The following LRRTM3 variants were observed in gnomAD, a reference collection of about 807,000 sequenced individuals.
LRRTM3 encodes leucine-rich repeat transmembrane neuronal protein 3.
LRRTM3 carries 24 observed loss-of-function variants against 44.7 expected under a neutral mutation model. The ratio of observed to expected loss-of-function variants is 0.54; its 90% CI spans 0.39 to 0.76. The LOEUF (loss-of-function observed/expected upper bound fraction) is 0.76. Ranked by LOEUF, LRRTM3 falls within the 30% of genes least tolerant of loss-of-function variation. LRRTM3 has a pLI of 0.00. For missense variants in LRRTM3, 587 were observed against 702.2 expected (o/e 0.84, Z 1.85); for synonymous variants, 277 against 278.7 (o/e 0.99, Z 0.06).
rs576422121 is a variant in LRRTM3 at position 66,962,455 on chromosome 10, G to A, written c.1536+34003G>A. Among the ~76,000 whole-genome samples, 21 of 151,758 alleles carry A rather than the reference G, an allele frequency of 1.4e-4. No homozygotes were observed. The East Asian group carries it at 3.9e-3, about 28-fold the overall frequency. ...AGACAGAGTCTCACTCTGTCGCTAG[G>A]CTGGAGTGCAGTGGTGTGATCTCTG... On this transcript the variant is annotated intron_variant, in intron 2 of 2. Coordinates refer to ENST00000361320, the MANE Select transcript of LRRTM3 (RefSeq NM_178011.5).
At chr10:67,026,842 C>G (rs1853421660) in intron 2 of LRRTM3, among the ~76,000 whole-genome samples, 1 of 152,068 alleles carries the variant, frequency 6.6e-6, no homozygotes, top group East Asian at 1.9e-4. Flanking sequence ...GTTCAGAAAC[C>G]TAAAATCTAC....
Position 67,057,600 on chromosome 10 carries a change from T to A in LRRTM3, c.1537-39987T>A, listed in dbSNP as rs1001205645. Among the ~76,000 whole-genome samples the A allele has an allele frequency of 2.6e-5, 4 of 152,180 alleles. No individual in the cohort carries two copies. In the South Asian group the frequency reaches 8.3e-4, roughly 32 times the overall value. The stretch of plus-strand genomic sequence containing the variant: ...GTTGTCTCAAATGACAGGATATACT[T>A]CTTTTTTAAGACTGAGAATACTGAC... On this transcript the variant is annotated intron_variant, in intron 2 of 2. Transcript: ENST00000361320.
intron 2 of LRRTM3, among the ~76,000 whole-genome samples, chr10:67,037,632 T>C (rs1482642156): frequency 6.6e-6 from 1 of 152,082 alleles, no homozygotes; most frequent in Middle Eastern, 3.2e-3. Flanking sequence ...AAACCTGAAC[T>C]AAGACACTAA....
At chr10:67,027,133 TAGAG>T (rs1324100352) in intron 2 of LRRTM3, among the ~76,000 whole-genome samples, 1 of 152,068 alleles carries the variant, frequency 6.6e-6, no homozygotes, top group Non-Finnish European at 1.5e-5. Flanking sequence ...ATTCTGCTGA[TAGAG>T]TGAGTGCCCA....
chr10:66,926,060 G>C lies in LRRTM3; in HGVS notation c.-524G>C, dbSNP rs1043619690. Reference sequence around the variant, plus strand: ...CAACAGTCCGAGCAGCTTTCAGAATGACAGTCTGCAGAAGTGAGCTGAGCG... The same window carrying C: ...CAACAGTCCGAGCAGCTTTCAGAATCACAGTCTGCAGAAGTGAGCTGAGCG... On this transcript the variant is annotated 5_prime_UTR_variant, in exon 1 of 3. The change abolishes an upstream ATG in the 5' untranslated region. Transcript: ENST00000361320. 2.2e-6 allele frequency: 1 copy of C among 457,130 alleles called. No homozygotes were observed. The highest frequency in any genetic ancestry group is 2.0e-5 in the African/African-American group (1 of 50,104). The allele number at this position is 457,130 out of a possible 1,614,324, so 28.3% of individuals were successfully genotyped here. A position where few individuals can be genotyped will look rare whatever the true frequency, so the allele number is the denominator to read the frequency against.
Position 67,045,134 on chromosome 10 carries a change from T to C in LRRTM3, c.1537-52453T>C, listed in dbSNP as rs117285939. ...TGATGCTACCTAGTTAATGCTTACA[T>C]ACAGTAAATGCTGAAGCATACAACA... On this transcript the variant is annotated intron_variant, in intron 2 of 2. Coordinates refer to ENST00000361320, the MANE Select transcript of LRRTM3 (RefSeq NM_178011.5). Among the ~76,000 whole-genome samples the C allele has an allele frequency of 9.7e-3, 1,481 of 152,326 alleles. 11 individuals carry two copies. The highest frequency in any genetic ancestry group is 0.017 in the South Asian group (80 of 4,826).
At position 67,097,697 on chromosome 10, in the gene LRRTM3, AC is replaced by A; in HGVS notation, c.1648del (p.Gln550ArgfsTer9). ...CCCATAAGTCCTTTGAAACGAATGC[AC>A]AGGAAGATACGATGGAAACACACCT... Reference protein sequence around the residue: ...LSHKSFETNAQEDTMETHLET... With the variant: ...LSHKSFETNAXEDTMETHLET... On this transcript the variant is annotated frameshift_variant, in exon 3 of 3. Transcript: ENST00000361320. LOFTEE classifies it high-confidence loss of function. The A allele has an allele frequency of 6.2e-7, 1 of 1,612,772 alleles. No homozygotes were observed. Among genetic ancestry groups the A allele is most frequent in the South Asian group, 1.1e-5 (1 of 91,070 alleles).
chr10:67,071,785 A>G (rs1856480243), intron 2 of LRRTM3, among the ~76,000 whole-genome samples: 1 of 152,142 alleles, frequency 6.6e-6, no homozygotes, highest in East Asian at 1.9e-4. Flanking sequence ...CCATTTACAC[A>G]ATATCTAATT....
At chr10:66,947,209 C>T (rs1350501680) in intron 2 of LRRTM3, among the ~76,000 whole-genome samples, 3 of 152,058 alleles carry the variant, frequency 2.0e-5, no homozygotes, top group Non-Finnish European at 4.4e-5. Flanking sequence ...CAAGGTATGG[C>T]CCCAGGACAG....
At chr10:67,094,989 ATAAG>A (rs1044491406) in intron 2 of LRRTM3, among the ~76,000 whole-genome samples, 4 of 151,548 alleles carry the variant, frequency 2.6e-5, no homozygotes, top group African/African-American at 9.7e-5. Context: ...TTTTGAAACT[ATAAG>A]TAATTGGCTT....
At chr10:66,931,783 C>T (rs1847409484) in intron 2 of LRRTM3, among the ~76,000 whole-genome samples, 1 of 151,956 alleles carries the variant, frequency 6.6e-6, no homozygotes, top group Non-Finnish European at 1.5e-5. Context: ...GTACTGAAGG[C>T]TAGAAATAAG....
chr10:67,009,721 C>A (rs1404725121), intron 2 of LRRTM3, among the ~76,000 whole-genome samples: 1 of 152,114 alleles, frequency 6.6e-6, no homozygotes, highest in Non-Finnish European at 1.5e-5. Flanking sequence ...AAAACAGGAG[C>A]AGTTTGCAGT....
intron 2 of LRRTM3, among the ~76,000 whole-genome samples, chr10:67,072,331 G>A (rs560912845): frequency 6.6e-6 from 1 of 152,028 alleles, no homozygotes; most frequent in African/African-American, 2.4e-5. Flanking sequence ...CACCTTTTAA[G>A]TCCTTGCCAG....
intron 2 of LRRTM3, among the ~76,000 whole-genome samples, chr10:67,053,907 T>C (rs1454348180): frequency 1.3e-5 from 2 of 152,144 alleles, no homozygotes; most frequent in African/African-American, 4.8e-5. Context: ...TTGTCATGAT[T>C]ACCTCCCAAA....
intron 2 of LRRTM3, among the ~76,000 whole-genome samples, chr10:67,013,315 T>G (rs1025573191): frequency 2.0e-5 from 3 of 152,232 alleles, no homozygotes; most frequent in Admixed American, 6.5e-5. Context: ...ATGTTTGCTG[T>G]TTATTTCAGT....
At chr10:67,001,579 AT>A (rs1158530578) in intron 2 of LRRTM3, among the ~76,000 whole-genome samples, 1 of 152,066 alleles carries the variant, frequency 6.6e-6, no homozygotes, top group South Asian at 2.1e-4. Flanking sequence ...ATAATATATC[AT>A]TACTATGTAG....
chr10:67,005,308 G>A (rs1046630530), intron 2 of LRRTM3, among the ~76,000 whole-genome samples: 26 of 152,182 alleles, frequency 1.7e-4, no homozygotes, highest in Non-Finnish European at 1.6e-4. Flanking sequence ...CATCAATGTG[G>A]AAGAGGCATA....
intron 2 of LRRTM3, among the ~76,000 whole-genome samples, chr10:66,968,099 A>G (rs1469320324): frequency 6.6e-6 from 1 of 152,074 alleles, no homozygotes; most frequent in African/African-American, 2.4e-5. Context: ...GCTGAGCCTG[A>G]AAAACCCAAT....
intron 2 of LRRTM3, among the ~76,000 whole-genome samples, chr10:67,068,485 TAAC>T (rs758259023): frequency 1.3e-5 from 2 of 152,144 alleles, no homozygotes; most frequent in African/African-American, 4.8e-5. Context: ...ATTTGAAACT[TAAC>T]AACAGGTGAA....
Sources: allele counts gnomAD v4.1 joint callset (sites outside exome capture counted in the v4.1 genomes callset), GRCh38; gene constraint gnomAD v4.1.1; transcripts MANE v1.5; gene names NCBI Gene and HGNC (gene_info 2026-07-23, HGNC 2026-07-21).